Variants in ARHGAP17 observed in about 807,000 individuals in gnomAD.
ARHGAP17 encodes rho GTPase-activating protein 17.
A neutral mutation model predicts 99.5 loss-of-function variants in ARHGAP17; 57 were observed. The ratio of observed to expected loss-of-function variants is 0.57; its 90% CI spans 0.46 to 0.71. The LOEUF is 0.71. Among genes scored for constraint, ARHGAP17 ranks in the 30% least tolerant of loss-of-function variants. The pLI is 0.00. For synonymous variants in ARHGAP17, 417 were observed against 429.6 expected (o/e 0.97, Z 0.36); for missense variants, 1,000 against 1,122.4 (o/e 0.89, Z 1.56).
In ARHGAP17 at chr16:24,954,677, T is replaced by C; in HGVS notation, c.778A>G (p.Arg260Gly). The change falls in exon 10 of 20, where the codon AGG (arginine) becomes GGG (glycine). Residue 260 changes from arginine to glycine, a missense_variant. By Grantham distance (125) the Arg-to-Gly change is moderately radical. Transcript: ENST00000289968. Reference protein sequence around the residue: ...FGTPLEEHLKRSGREIALPIE... With the variant: ...FGTPLEEHLKGSGREIALPIE... ...GGCAGCGCAATCTCGCGCCCGCTCCTCTTCAGGTGTTCTTCTAGGGGAGTC... is the reference window on the plus strand; with the variant it reads ...GGCAGCGCAATCTCGCGCCCGCTCCCCTTCAGGTGTTCTTCTAGGGGAGTC... 6.2e-7 allele frequency: 1 copy of C among 1,614,106 alleles called. No individual in the cohort carries two copies. The highest frequency in any genetic ancestry group is 8.5e-7 in the Non-Finnish European group (1 of 1,179,980).
rs528388068 is a variant in ARHGAP17 at position 24,955,583 on chromosome 16, G to A, written c.725-853C>T. ...CTGAGCAGCTCGCAGAAGCAAAGGAGGGCAAACCAGTTGTGAAAACTGCTC... is the reference window on the plus strand; with the variant it reads ...CTGAGCAGCTCGCAGAAGCAAAGGAAGGCAAACCAGTTGTGAAAACTGCTC... On this transcript the variant is annotated intron_variant, in intron 9 of 19. Coordinates refer to ENST00000289968, the MANE Select transcript of ARHGAP17 (RefSeq NM_001006634.3). The surrounding 1 kb of genome is among the most constrained non-coding windows in gnomAD (Gnocchi z 4.0). The A allele has an allele frequency of 6.6e-6, 1 of 152,370 alleles. No individual in the cohort carries two copies. The highest frequency in any genetic ancestry group is 1.9e-4 in the East Asian group (1 of 5,190). The allele number at this position is 152,370 out of a possible 1,614,324, so 9.4% of individuals were successfully genotyped here.
rs2050692218 is a variant in ARHGAP17 at position 24,920,458 on chromosome 16, C to T, written c.2516-198G>A. 4 of 580,382 alleles carry T rather than the reference C, an allele frequency of 6.9e-6. No individual in the cohort carries two copies. In the Admixed American group the frequency reaches 1.3e-4, roughly 18 times the overall value. 36.0% of individuals were successfully genotyped at this position (580,382 alleles called of 1,614,324 possible). A position where few individuals can be genotyped will look rare whatever the true frequency, so the allele number is the denominator to read the frequency against. ...CCCAGAGGGCAGCTGAGTAGCACAG[C>T]CTTGCCTCTGGGCTCCGACGTTGCT... is the stretch of plus-strand genomic sequence containing the variant. On this transcript the variant is annotated intron_variant, in intron 19 of 19. Coordinates refer to ENST00000289968, the MANE Select transcript of ARHGAP17 (RefSeq NM_001006634.3).
In ARHGAP17 at chr16:24,919,725, G is replaced by A. The variant is rs1269247670; in HGVS notation, c.*405C>T. ...CCAGGTAGCAGAGAGTAGGCGACTT[G>A]CATAATGAGCGCATTTTATTAAATA... On this transcript the variant is annotated 3_prime_UTR_variant, in exon 20 of 20. Transcript: ENST00000289968. 1 of 155,928 alleles carries A rather than the reference G, an allele frequency of 6.4e-6. No individual in the cohort carries two copies. Among genetic ancestry groups the A allele is most frequent in the Non-Finnish European group, 1.4e-5 (1 of 70,206 alleles). The allele number at this position is 155,928 out of a possible 1,614,324, so 9.7% of individuals were successfully genotyped here.
chr16:24,959,796 C>T lies in ARHGAP17; in HGVS notation c.643-44G>A, dbSNP rs748013714. On this transcript the variant is annotated intron_variant, in intron 8 of 19. Coordinates refer to ENST00000289968, the MANE Select transcript of ARHGAP17 (RefSeq NM_001006634.3). ...TCAAAAACAAAAGTAACGTTAGCAT[C>T]GGATGGACACACACACAATGGCTGA... The T allele has an allele frequency of 2.5e-5, 40 of 1,607,866 alleles. No individual in the cohort carries two copies. In the Admixed American group the frequency reaches 3.9e-4, roughly 15 times the overall value.
chr16:24,990,423 C>T (rs1178045849), intron 1 of ARHGAP17, among the ~76,000 whole-genome samples: 1 of 151,886 alleles, frequency 6.6e-6, no homozygotes, highest in Non-Finnish European at 1.5e-5. Flanking sequence ...GAGGTCAAGA[C>T]TTCAGTGAGC....
intron 14 of ARHGAP17, among the ~76,000 whole-genome samples, chr16:24,946,738 A>G (rs570559545): frequency 5.3e-5 from 8 of 152,312 alleles, no homozygotes; most frequent in African/African-American, 1.9e-4. Flanking sequence ...GGAAACCTCC[A>G]TAAACAAACC....
At chr16:24,981,578 G>A (rs889967071) in intron 1 of ARHGAP17, among the ~76,000 whole-genome samples, 13 of 152,160 alleles carry the variant, frequency 8.5e-5, no homozygotes, top group Non-Finnish European at 1.8e-4. Context: ...ATGAATAAAT[G>A]TCACAATAAA....
At chr16:24,921,524 C>T (rs112003823) in intron 19 of ARHGAP17, among the ~76,000 whole-genome samples, 33 of 152,254 alleles carry the variant, frequency 2.2e-4, no homozygotes, top group African/African-American at 5.5e-4. Flanking sequence ...GACCTGCTCC[C>T]GTCTACGCAG....
At position 24,979,004 on chromosome 16, in the gene ARHGAP17, C is replaced by T; in HGVS notation, c.55G>A (p.Ala19Thr). ...KQLANQTVGR[A>T]EKTEVLSEDL... ...TCACTAAGGACTTCTGTTTTCTCAG[C>T]TCTGTGGGAAAAATTAAAAATTCAG... is the stretch of plus-strand genomic sequence containing the variant. The change falls in exon 2 of 20, where the codon GCT (alanine) becomes ACT (threonine). Residue 19 changes from alanine (A) to threonine (T), a missense_variant and splice_region_variant. By Grantham distance (58) the Ala-to-Thr change is moderately conservative. Coordinates refer to ENST00000289968, the MANE Select transcript of ARHGAP17 (RefSeq NM_001006634.3). 1 of 1,584,632 alleles carries T rather than the reference C, an allele frequency of 6.3e-7. No individual in the cohort carries two copies. Among genetic ancestry groups the T allele is most frequent in the Middle Eastern group, 1.7e-4 (1 of 5,854 alleles).
intron 13 of ARHGAP17, among the ~76,000 whole-genome samples, chr16:24,947,922 T>C (rs1003276314): frequency 6.6e-6 from 1 of 152,232 alleles, no homozygotes; most frequent in Non-Finnish European, 1.5e-5. Context: ...AATAGTGAGC[T>C]CAATATTTTT....
chr16:24,961,722 T>TG (rs2052007843), intron 7 of ARHGAP17, among the ~76,000 whole-genome samples: 1 of 150,636 alleles, frequency 6.6e-6, no homozygotes, highest in Admixed American at 6.6e-5. Flanking sequence ...TTAGTAGAGA[T>TG]GGAGTTTCAT....
chr16:24,974,339 G>A (rs2052454226), intron 3 of ARHGAP17, among the ~76,000 whole-genome samples: 1 of 152,182 alleles, frequency 6.6e-6, no homozygotes, highest in Non-Finnish European at 1.5e-5. Flanking sequence ...GCTGAGGTGG[G>A]AGAATCGTTT....
In ARHGAP17 at chr16:24,955,346, T is replaced by C. The variant is rs1309669216; in HGVS notation, c.725-616A>G. The C allele has an allele frequency of 2.0e-5, 3 of 152,196 alleles. No individual in the cohort carries two copies. The highest frequency in any genetic ancestry group is 7.2e-5 in the African/African-American group (3 of 41,440). 9.4% of individuals were successfully genotyped at this position (152,196 alleles called of 1,614,324 possible). ...CCGAAAAATTCTGAGTGGAAAGAAA[T>C]GCAGCATCTGCAGCCCTAAAGCAGC... On this transcript the variant is annotated intron_variant, in intron 9 of 19. Transcript: ENST00000289968. This position sits in a 1 kb window ranked among gnomAD's most constrained non-coding sequence, Gnocchi z 4.0.
intron 18 of ARHGAP17, among the ~76,000 whole-genome samples, chr16:24,932,170 G>A (rs146915644): frequency 6.6e-6 from 1 of 151,984 alleles, no homozygotes; most frequent in Non-Finnish European, 1.5e-5. Flanking sequence ...TCTGAGCTGG[G>A]GTAAATGTGC....
intron 1 of ARHGAP17, among the ~76,000 whole-genome samples, chr16:25,011,522 T>G (rs374360432): frequency 2.3e-4 from 35 of 149,840 alleles, no homozygotes; most frequent in African/African-American, 8.4e-4. Context: ...CTGGCCAACA[T>G]GGCAAAACCA....
intron 19 of ARHGAP17, among the ~76,000 whole-genome samples, chr16:24,927,911 T>C (rs2050884238): frequency 6.6e-6 from 1 of 152,246 alleles, no homozygotes; most frequent in African/African-American, 2.4e-5. Context: ...GTGCTGGTGC[T>C]GAGCTGTGAG....
intron 1 of ARHGAP17, among the ~76,000 whole-genome samples, chr16:25,011,301 T>C (rs892327365): frequency 6.6e-6 from 1 of 152,144 alleles, no homozygotes; most frequent in African/African-American, 2.4e-5. Context: ...CCCAGAAGCA[T>C]TCAGAGCCAA....
rs1298232519 is a variant in ARHGAP17 at position 24,970,574 on chromosome 16, G to GT, written c.204dup (p.Leu69ThrfsTer33). 3 of 1,613,822 alleles carry GT rather than the reference G, an allele frequency of 1.9e-6. No individual in the cohort carries two copies. The highest frequency in any genetic ancestry group is 2.7e-5 in the African/African-American group (2 of 74,924). On this transcript the variant is annotated frameshift_variant, in exon 4 of 20. Transcript: ENST00000289968. LOFTEE classifies it high-confidence loss of function. ...TTTTGAGCAAGAGCTGTCAGAGGCA[G>GT]TTTTTTCTGGAAGATAGAAGACAGT...
intron 19 of ARHGAP17, among the ~76,000 whole-genome samples, chr16:24,930,068 T>C (rs1286326751): frequency 6.6e-6 from 1 of 152,186 alleles, no homozygotes; most frequent in Non-Finnish European, 1.5e-5. Flanking sequence ...GAAATATTCT[T>C]GAAATGTTAA....
Sources: allele counts gnomAD v4.1 joint callset (sites outside exome capture counted in the v4.1 genomes callset), GRCh38; gene constraint gnomAD v4.1.1; non-coding constraint Gnocchi (gnomAD v3.1); transcripts MANE v1.5; gene names NCBI Gene and HGNC (gene_info 2026-07-23, HGNC 2026-07-21).